NOL4: variants seen among roughly 807,000 people sequenced by gnomAD.
The protein encoded by NOL4 is nucleolar protein 4, also known as cancer/testis antigen 125.
Under a neutral mutation model 75.9 loss-of-function variants are expected in NOL4, and 17 were observed. The ratio of observed to expected loss-of-function variants is 0.22; its 90% CI spans 0.15 to 0.34. The LOEUF is 0.34. Ranked by LOEUF, NOL4 falls within the 10% of genes least tolerant of loss-of-function variation. The probability of loss-of-function intolerance (pLI) is 1.00; values close to 1 mark genes in which losing one functional copy is unlikely to be tolerated. For missense variants in NOL4, 614 were observed against 793.5 expected (o/e 0.77, Z 2.72); for synonymous variants, 292 against 289.9 (o/e 1.01, Z -0.07).
At chr18:34,037,406 TA>T (rs60891535) in intron 5 of NOL4, among the ~76,000 whole-genome samples, 1 of 151,638 alleles carries the variant, frequency 6.6e-6, no homozygotes, top group Admixed American at 6.6e-5. Context: ...TTCACAGAAA[TA>T]AAAAAATCTT....
chr18:33,982,079 C>T (rs1439010747), intron 6 of NOL4, among the ~76,000 whole-genome samples: 2 of 151,956 alleles, frequency 1.3e-5, no homozygotes, highest in Non-Finnish European at 2.9e-5. Flanking sequence ...AAGGAGAGAA[C>T]ATGGAACCAC....
chr18:34,082,941 T>C (rs748071581), intron 5 of NOL4, among the ~76,000 whole-genome samples: 2 of 152,132 alleles, frequency 1.3e-5, no homozygotes, highest in Admixed American at 6.5e-5. Flanking sequence ...AAAATGTATA[T>C]GAACATTTAA....
At chr18:34,193,489 C>T (rs534105237) in intron 1 of NOL4, among the ~76,000 whole-genome samples, 302 of 152,168 alleles carry the variant, frequency 2.0e-3, no homozygotes, top group South Asian at 8.7e-3. Context: ...ATCAGGATAA[C>T]GCTCAAAATC....
Position 34,019,246 on chromosome 18 carries a change from C to A in NOL4, c.1056+72G>T, listed in dbSNP as rs558364650. The A allele has an allele frequency of 1.4e-4, 168 of 1,229,276 alleles. No homozygotes were observed. The African/African-American group carries it at 2.2e-3, about 16-fold the overall frequency. 76.1% of individuals were successfully genotyped at this position (1,229,276 alleles called of 1,614,324 possible). A position where few individuals can be genotyped will look rare whatever the true frequency, so the allele number is the denominator to read the frequency against. On this transcript the variant is annotated intron_variant, in intron 6 of 10. Coordinates refer to ENST00000261592, the MANE Select transcript of NOL4 (RefSeq NM_003787.5). ...TTTTATTAACAATAATGTTTATCTG[C>A]TATATGCATAGGTATTTTTTGTGAC... is the stretch of plus-strand genomic sequence containing the variant.
chr18:33,996,583 T>C (rs933967107), intron 6 of NOL4, among the ~76,000 whole-genome samples: 1 of 151,830 alleles, frequency 6.6e-6, no homozygotes, highest in Admixed American at 6.6e-5. Flanking sequence ...TTCCATCTGG[T>C]ATTTCCCAGG....
intron 5 of NOL4, among the ~76,000 whole-genome samples, chr18:34,081,872 G>A (rs2041330959): frequency 6.6e-6 from 1 of 152,128 alleles, no homozygotes; most frequent in Admixed American, 6.6e-5. Context: ...GGCAATTATT[G>A]TCAAGAGAGA....
chr18:34,031,324 G>A (rs2075630398), intron 5 of NOL4, among the ~76,000 whole-genome samples: 1 of 152,112 alleles, frequency 6.6e-6, no homozygotes, highest in African/African-American at 2.4e-5. Flanking sequence ...CAACCAATTT[G>A]TAAAGCAAAA....
At chr18:34,211,009 G>A (rs1194493858) in intron 1 of NOL4, among the ~76,000 whole-genome samples, 6 of 151,836 alleles carry the variant, frequency 4.0e-5, no homozygotes, top group African/African-American at 9.7e-5. Context: ...CCTCCTTTAC[G>A]GTGGAGGTTG....
intron 9 of NOL4, among the ~76,000 whole-genome samples, chr18:33,933,411 C>T (rs1043393487): frequency 6.6e-6 from 1 of 152,062 alleles, no homozygotes; most frequent in Non-Finnish European, 1.5e-5. Flanking sequence ...AAGAATGAGG[C>T]TTGCCACACT....
At chr18:33,894,249 A>T (rs1195728326) in intron 9 of NOL4, among the ~76,000 whole-genome samples, 3 of 152,136 alleles carry the variant, frequency 2.0e-5, no homozygotes, top group African/African-American at 7.2e-5. Context: ...TTCTGCTAAG[A>T]AAAACTGTCT....
intron 4 of NOL4, among the ~76,000 whole-genome samples, chr18:34,099,102 C>T (rs527800319): frequency 2.0e-5 from 3 of 152,146 alleles, no homozygotes; most frequent in Non-Finnish European, 4.4e-5. Context: ...CACCCTCACA[C>T]CTGTAATCCC....
chr18:33,984,727 G>C (rs934525549), intron 6 of NOL4, among the ~76,000 whole-genome samples: 2 of 152,238 alleles, frequency 1.3e-5, no homozygotes, highest in Middle Eastern at 3.4e-3. Flanking sequence ...GTCAATTAAA[G>C]CTCTTTCCTT....
chr18:34,061,292 T>C (rs959574867), intron 5 of NOL4, among the ~76,000 whole-genome samples: 2 of 152,184 alleles, frequency 1.3e-5, no homozygotes, highest in East Asian at 1.9e-4. Flanking sequence ...TTCTTAATGA[T>C]ACTCTTCCAC....
At chr18:33,863,300 T>C (rs1398631833) in intron 10 of NOL4, among the ~76,000 whole-genome samples, 2 of 152,006 alleles carry the variant, frequency 1.3e-5, no homozygotes, top group South Asian at 2.1e-4. Context: ...AGGGATAGCA[T>C]TGGGAGATAT....
At chr18:34,036,546 A>T (rs1205087467) in intron 5 of NOL4, among the ~76,000 whole-genome samples, 1 of 152,198 alleles carries the variant, frequency 6.6e-6, no homozygotes, top group Non-Finnish European at 1.5e-5. Flanking sequence ...AAGATATGAA[A>T]CAAGACAAGG....
intron 1 of NOL4, among the ~76,000 whole-genome samples, chr18:34,158,013 T>TA (rs1361979422): frequency 6.6e-6 from 1 of 152,048 alleles, no homozygotes; most frequent in Non-Finnish European, 1.5e-5. Context: ...CTATCAGCTT[T>TA]AAAAAAAAGA....
rs1361808102 is a variant in NOL4, at chr18:34,135,713, C to G, written c.265-5693G>C. ...ACTCCATCTCAAAAAAAAAAAAAAGCTTTTCACACACAGAAGCAGCCCAGG... is the reference window on the plus strand; with the variant it reads ...ACTCCATCTCAAAAAAAAAAAAAAGGTTTTCACACACAGAAGCAGCCCAGG... On this transcript the variant is annotated intron_variant, in intron 1 of 10. Coordinates refer to ENST00000261592, the MANE Select transcript of NOL4 (RefSeq NM_003787.5). Among the ~76,000 whole-genome samples the G allele has an allele frequency of 2.1e-4, 5 of 23,926 alleles. 1 individual carries two copies. Among genetic ancestry groups the G allele is most frequent in the Non-Finnish European group, 4.8e-4 (5 of 10,328 alleles). 15.7% of individuals were successfully genotyped at this position (23,926 alleles called of 152,430 possible).
At chr18:33,905,137 AT>A (rs2065958831) in intron 9 of NOL4, among the ~76,000 whole-genome samples, 1 of 152,164 alleles carries the variant, frequency 6.6e-6, no homozygotes, top group African/African-American at 2.4e-5. Context: ...ACGAACTGAT[AT>A]TTTAAGAGAT....
intron 5 of NOL4, among the ~76,000 whole-genome samples, chr18:34,042,655 G>A (rs921667050): frequency 2.0e-5 from 3 of 152,044 alleles, no homozygotes; most frequent in South Asian, 2.1e-4. Context: ...CAGTTATTAA[G>A]CATCCGGTGC....
Sources: allele counts gnomAD v4.1 joint callset (sites outside exome capture counted in the v4.1 genomes callset), GRCh38; gene constraint gnomAD v4.1.1; transcripts MANE v1.5; gene names NCBI Gene and HGNC (gene_info 2026-07-23, HGNC 2026-07-21).